Variants in HGD observed in about 807,000 individuals in gnomAD.
HGD encodes the protein homogentisate 1,2-dioxygenase.
A neutral mutation model predicts 60.8 loss-of-function variants in HGD; 61 were observed. That is an observed-to-expected ratio of 1.00 (90% confidence interval 0.82 to 1.24). The LOEUF (loss-of-function observed/expected upper bound fraction) is 1.24. Among genes scored for constraint, HGD ranks in the 50% most tolerant of loss-of-function variants. HGD has a pLI of 0.00. For synonymous variants in HGD, 212 were observed against 187.7 expected, an observed-to-expected ratio of 1.13 and a Z score of -1.06; for missense variants, 542 against 547.1, an observed-to-expected ratio of 0.99 and a Z score of 0.09.
chr3:120,671,779 C>G lies in HGD; in HGVS notation c.177-1247G>C, dbSNP rs192047925. Among the ~76,000 whole-genome samples the G allele has an allele frequency of 5.8e-3, 886 of 152,244 alleles. 12 individuals are homozygous for G. Among genetic ancestry groups the G allele is most frequent in the African/African-American group, 0.02 (847 of 41,548 alleles). On this transcript the variant is annotated intron_variant, in intron 3 of 13. Transcript: ENST00000283871. ...TAGACTGGATAAAGAAAATGTGGTA[C>G]ATATACACCATGGAATACTATGCAG...
chr3:120,656,934 C>G (rs1374490313), intron 4 of HGD, among the ~76,000 whole-genome samples: 1 of 152,196 alleles, frequency 6.6e-6, no homozygotes, highest in Non-Finnish European at 1.5e-5. Flanking sequence ...GGTAAAATGT[C>G]AGTTCTTCAC....
intron 12 of HGD, among the ~76,000 whole-genome samples, chr3:120,637,086 C>T (rs931362399): frequency 1.3e-5 from 2 of 151,956 alleles, no homozygotes; most frequent in Non-Finnish European, 1.5e-5. Context: ...TAAGTACAGC[C>T]GTGAAGTACT....
intron 10 of HGD, among the ~76,000 whole-genome samples, chr3:120,642,225 G>A (rs1941005617): frequency 6.6e-6 from 1 of 152,212 alleles, no homozygotes; most frequent in Admixed American, 6.5e-5. Context: ...TCCTGGTCCT[G>A]TCCTGGGGTA....
intron 12 of HGD, 163 bp from the exon 13 acceptor site, chr3:120,633,491 ACATT>A: frequency 2.0e-6 from 3 of 1,529,532 alleles, no homozygotes; most frequent in Non-Finnish European, 2.6e-6. Context: ...CAATCATAAA[ACATT>A]CATATTGGCA....
chr3:120,651,194 A>T (rs572213092), intron 5 of HGD, among the ~76,000 whole-genome samples: 34 of 152,310 alleles, frequency 2.2e-4, no homozygotes, highest in African/African-American at 7.2e-4. Flanking sequence ...ATTCTGTTGG[A>T]GGTACCATCA....
intron 3 of HGD, 177 bp downstream of exon 3, chr3:120,674,724 C>T: frequency 1.7e-6 from 1 of 605,098 alleles, no homozygotes; most frequent in Non-Finnish European, 3.1e-6. Context: ...TTCCACCAGT[C>T]ACTTGGTGCT....
chr3:120,650,418 C>T (rs2107518034), intron 6 of HGD, among the ~76,000 whole-genome samples: 1 of 152,320 alleles, frequency 6.6e-6, no homozygotes, highest in African/African-American at 2.4e-5. Context: ...ATATTTGGCT[C>T]AGAAAAATCC....
chr3:120,667,456 T>C (rs4676814), intron 4 of HGD, among the ~76,000 whole-genome samples: 20,847 of 151,324 alleles, frequency 0.14, 1,703 homozygotes, highest in Middle Eastern at 0.24. Flanking sequence ...TTAAATAAAA[T>C]GTAGCAATGA....
rs866527264 is a variant in HGD at position 120,630,849 on chromosome 3, C to T, written c.1188+2298G>A. Among the ~76,000 whole-genome samples the T allele has an allele frequency of 4.7e-3, 628 of 132,642 alleles. 5 individuals carry two copies. Among genetic ancestry groups the T allele is most frequent in the Non-Finnish European group, 7.4e-3 (463 of 62,320 alleles). 87.0% of individuals were successfully genotyped at this position (132,642 alleles called of 152,430 possible). ...ATACACATACACACACACATACACA[C>T]ACACACACACACACACACACACACA... On this transcript the variant is annotated intron_variant, in intron 13 of 13. Transcript: ENST00000283871.
At chr3:120,632,270 G>A (rs1184572053) in intron 13 of HGD, among the ~76,000 whole-genome samples, 1 of 152,180 alleles carries the variant, frequency 6.6e-6, no homozygotes, top group Admixed American at 6.5e-5. Flanking sequence ...AAGCAGGCAG[G>A]TCTCTGCTAT....
At chr3:120,646,582 CAT>C (rs1941171482) in intron 8 of HGD, among the ~76,000 whole-genome samples, 2 of 152,034 alleles carry the variant, frequency 1.3e-5, no homozygotes, top group East Asian at 1.9e-4. Flanking sequence ...CCTAATCACA[CAT>C]GTGACCCAAG....
intron 4 of HGD, among the ~76,000 whole-genome samples, chr3:120,664,468 C>A (rs1470908406): frequency 7.9e-6 from 1 of 127,266 alleles, no homozygotes; most frequent in East Asian, 2.4e-4. Flanking sequence ...CACACTGTTG[C>A]CCAGGCTGGA....
At chr3:120,660,661 C>T (rs1941634055) in intron 4 of HGD, among the ~76,000 whole-genome samples, 1 of 152,146 alleles carries the variant, frequency 6.6e-6, no homozygotes, top group Non-Finnish European at 1.5e-5. Flanking sequence ...CATGTCTCTA[C>T]TAAAAATACA....
chr3:120,635,644 G>A (rs148525750), intron 12 of HGD, among the ~76,000 whole-genome samples: 5,562 of 152,146 alleles, frequency 0.037, 131 homozygotes, highest in Middle Eastern at 0.058. Flanking sequence ...AATATCTCTG[G>A]AAAACTCATT....
At position 120,633,304 on chromosome 3, in the gene HGD, C is replaced by T; in HGVS notation, c.1031G>A (p.Gly344Glu). The T allele has an allele frequency of 6.2e-7, 1 of 1,614,110 alleles. No individual in the cohort carries two copies. The highest frequency in any genetic ancestry group is 8.5e-7 in the Non-Finnish European group (1 of 1,180,016). ...TGCCTCATAGTGACCTCGGATGAGTCCCATGAACTCACTCATGCAGTTCCC... is the reference window on the plus strand; with the variant it reads ...TGCCTCATAGTGACCTCGGATGAGTTCCATGAACTCACTCATGCAGTTCCC... ...YHRNCMSEFM[G>E]LIRGHYEAKQ... is the part of the protein sequence containing the mutation. Residue 344 changes from glycine (G) to glutamate (E), a missense_variant, in exon 13 of 14, where the codon GGA becomes GAA. Physicochemically the swap from Gly to Glu is moderately conservative, Grantham distance 98. Transcript: ENST00000283871.
intron 3 of HGD, among the ~76,000 whole-genome samples, chr3:120,673,080 T>C (rs1034304283): frequency 6.6e-6 from 1 of 152,184 alleles, no homozygotes; most frequent in Non-Finnish European, 1.5e-5. Flanking sequence ...TGGATAAGAC[T>C]GGTCCCATTT....
chr3:120,655,592 G>T (rs761769232), intron 4 of HGD, among the ~76,000 whole-genome samples: 2 of 152,200 alleles, frequency 1.3e-5, no homozygotes, highest in East Asian at 1.9e-4. Flanking sequence ...GGTCAGGAGC[G>T]CTGATGTGAT....
chr3:120,638,756 A>G (rs577655870), intron 11 of HGD, among the ~76,000 whole-genome samples, 175 bp from the exon 12 acceptor site: 1 of 152,270 alleles, frequency 6.6e-6, no homozygotes, highest in South Asian at 2.1e-4. Flanking sequence ...TTACATGGGT[A>G]TATTGTGTGA....
At chr3:120,677,721 T>C (rs1708157787) in intron 1 of HGD, among the ~76,000 whole-genome samples, 1 of 152,228 alleles carries the variant, frequency 6.6e-6, no homozygotes, top group African/African-American at 2.4e-5. Context: ...ATTTGCACAC[T>C]GCCTCCCCAT....
Sources: allele counts gnomAD v4.1 joint callset (sites outside exome capture counted in the v4.1 genomes callset), GRCh38; gene constraint gnomAD v4.1.1; transcripts MANE v1.5; gene names NCBI Gene and HGNC (gene_info 2026-07-23, HGNC 2026-07-21).